The following NAMPT variants were observed in gnomAD, a reference collection of about 807,000 sequenced individuals.
NAMPT encodes nicotinamide phosphoribosyltransferase, also known as NAmPRTase.
NAMPT carries 7 observed loss-of-function variants against 58.7 expected under a neutral mutation model. That is an observed-to-expected ratio of 0.12 (90% CI 0.07 to 0.22). The LOEUF (loss-of-function observed/expected upper bound fraction) is 0.22. Ranked by LOEUF, NAMPT falls within the 10% of genes least tolerant of loss-of-function variation. NAMPT has a pLI of 1.00. For missense variants in NAMPT, 271 were observed against 567.9 expected, an observed-to-expected ratio of 0.48 and a Z score of 5.31; for synonymous variants, 145 against 198.1, an observed-to-expected ratio of 0.73 and a Z score of 2.25.
chr7:106,284,738 ACCCCAG>A lies in NAMPT; in HGVS notation c.57+84_57+89del, dbSNP rs1355014042. 190 of 486,022 alleles carry A rather than the reference ACCCCAG, an allele frequency of 3.9e-4. No individual in the cohort carries two copies. The African/African-American group carries it at 5.1e-3, about 13-fold the overall frequency. 30.1% of individuals were successfully genotyped at this position (486,022 alleles called of 1,614,324 possible). ...GACCCTAGCCCCAGCCCCAGCCCCA[ACCCCAG>A]CCCCAGCCGCCCCCGCCCCCCTGCC... On this transcript the variant is annotated intron_variant, in intron 1 of 10. Transcript: ENST00000222553.
intron 8 of NAMPT, among the ~76,000 whole-genome samples, chr7:106,257,377 G>A (rs921548672): frequency 1.3e-5 from 2 of 151,464 alleles, no homozygotes; most frequent in Admixed American, 6.6e-5. Flanking sequence ...AGCACTTTAG[G>A]AGGCCTGAGT....
At chr7:106,283,081 G>A (rs763517400) in intron 1 of NAMPT, among the ~76,000 whole-genome samples, 4 of 152,012 alleles carry the variant, frequency 2.6e-5, no homozygotes, top group Non-Finnish European at 5.9e-5. Flanking sequence ...AAAACATATC[G>A]ACTTGATTGA....
At chr7:106,285,306 C>T, upstream of NAMPT, 1 of 622,758 alleles carries the variant, frequency 1.6e-6, no homozygotes, top group Non-Finnish European at 2.0e-6. Flanking sequence ...GGCGCGTGAC[C>T]CGGGCGCTTA....
intron 8 of NAMPT, among the ~76,000 whole-genome samples, chr7:106,256,870 C>T (rs1792210570): frequency 6.6e-6 from 1 of 152,074 alleles, no homozygotes; most frequent in Non-Finnish European, 1.5e-5. Context: ...ACCAACAGGC[C>T]CAGCTTTTTA....
At chr7:106,273,755 G>C (rs114818059) in intron 3 of NAMPT, among the ~76,000 whole-genome samples, 2 of 152,114 alleles carry the variant, frequency 1.3e-5, no homozygotes, top group South Asian at 2.1e-4. Context: ...AGCAAGTACA[G>C]GTGATAGCTC....
At chr7:106,284,017 C>A (rs762890066) in intron 1 of NAMPT, among the ~76,000 whole-genome samples, 6 of 152,232 alleles carry the variant, frequency 3.9e-5, no homozygotes, top group Non-Finnish European at 7.3e-5. Flanking sequence ...GGCATGTGAA[C>A]GCAACGCTGT....
chr7:106,255,439 T>TA, intron 8 of NAMPT, among the ~76,000 whole-genome samples: 1 of 152,352 alleles, frequency 6.6e-6, no homozygotes, highest in Non-Finnish European at 1.5e-5. Flanking sequence ...GTAACAGCCT[T>TA]ATGTGTATCA....
intron 7 of NAMPT, among the ~76,000 whole-genome samples, chr7:106,262,155 C>T (rs893314658): frequency 1.3e-5 from 2 of 152,068 alleles, no homozygotes; most frequent in South Asian, 2.1e-4. Context: ...CCAGTTCAAT[C>T]ACAAAGTTCA....
chr7:106,267,702 G>A (rs372502879), intron 6 of NAMPT, among the ~76,000 whole-genome samples: 6 of 149,758 alleles, frequency 4.0e-5, no homozygotes, highest in East Asian at 2.0e-4. Flanking sequence ...TTAGCCGGGC[G>A]TAGTGGCGGG....
chr7:106,268,993 T>C lies in NAMPT; in HGVS notation c.606+161A>G, dbSNP rs576886941. 9.8e-5 allele frequency among the ~76,000 whole-genome samples: 15 copies of C among 152,334 alleles called. No individual in the cohort carries two copies. The South Asian group carries it at 3.1e-3, about 32-fold the overall frequency. ...GACATCTGTTGAAGGACATATCCCA[T>C]GTACCCTGAACACAGTAGTAGGTAC... is the stretch of plus-strand genomic sequence containing the variant. On this transcript the variant is annotated intron_variant, in intron 5 of 10. Transcript: ENST00000222553.
intron 1 of NAMPT, among the ~76,000 whole-genome samples, chr7:106,281,156 C>G (rs1048596201): frequency 2.6e-5 from 4 of 151,438 alleles, no homozygotes; most frequent in Admixed American, 6.6e-5. Context: ...TGCTGGCCAA[C>G]CAACTGTAAC....
At chr7:106,252,468 ACT>A (rs1491547881) in intron 10 of NAMPT, among the ~76,000 whole-genome samples, 2 of 152,048 alleles carry the variant, frequency 1.3e-5, no homozygotes, top group Non-Finnish European at 2.9e-5. Flanking sequence ...TGTTTAGTGT[ACT>A]TTTTTCTAAT....
intron 10 of NAMPT, among the ~76,000 whole-genome samples, chr7:106,251,536 T>A (rs1001377114): frequency 2.0e-5 from 3 of 152,060 alleles, no homozygotes; most frequent in Non-Finnish European, 4.4e-5. Context: ...TAGGGAGAAC[T>A]GTAATCATTG....
intron 6 of NAMPT, among the ~76,000 whole-genome samples, chr7:106,266,015 T>C (rs1440167100): frequency 6.6e-6 from 1 of 152,220 alleles, no homozygotes; most frequent in African/African-American, 2.4e-5. Context: ...ATGTTGGAGA[T>C]GTAAAACTTT....
chr7:106,277,206 GAAAACACCGATGAGTAGACTATAA>G, intron 1 of NAMPT, 27 bp from the exon 2 acceptor site: 1 of 1,574,112 alleles, frequency 6.4e-7, no homozygotes, highest in Non-Finnish European at 8.7e-7. Context: ...ACTTCTGTTA[GAAAACACCGATGAGTAGACTATAA>G]ATCACAACAG....
chr7:106,267,869 A>AC lies in NAMPT; in HGVS notation c.743+594_743+595insG, dbSNP rs1562815973. Among the ~76,000 whole-genome samples the AC allele has an allele frequency of 1.1e-4, 16 of 140,396 alleles. 1 individual carries two copies. Among genetic ancestry groups the AC allele is most frequent in the African/African-American group, 3.9e-4 (15 of 38,460 alleles). The allele number at this position is 140,396 out of a possible 152,430, so 92.1% of individuals were successfully genotyped here. A position where few individuals can be genotyped will look rare whatever the true frequency, so the allele number is the denominator to read the frequency against. On this transcript the variant is annotated intron_variant, in intron 6 of 10. Coordinates refer to ENST00000222553, the MANE Select transcript of NAMPT (RefSeq NM_005746.3). ...AAAAAAAAAAAAAAAAAAAAAAAAA[A>AC]AAAAAAACAACCTGATTTACTTTTA...
chr7:106,279,381 C>G (rs1004067412), intron 1 of NAMPT, among the ~76,000 whole-genome samples: 1 of 152,000 alleles, frequency 6.6e-6, no homozygotes, highest in African/African-American at 2.4e-5. Context: ...CTACTAACAC[C>G]CAACAAGTTT....
At chr7:106,262,740 T>A (rs982324270) in intron 7 of NAMPT, among the ~76,000 whole-genome samples, 9 of 152,148 alleles carry the variant, frequency 5.9e-5, no homozygotes, top group African/African-American at 2.2e-4. Context: ...TTTAAGCCTC[T>A]GTTTTTTTCT....
At chr7:106,262,495 T>C (rs961824984) in intron 7 of NAMPT, among the ~76,000 whole-genome samples, 1 of 152,122 alleles carries the variant, frequency 6.6e-6, no homozygotes, top group African/African-American at 2.4e-5. Flanking sequence ...CCTATCAAGT[T>C]TGCTAAAACC....
Sources: gnomAD v4.1 joint callset for allele counts (sites outside exome capture counted in the v4.1 genomes callset) on GRCh38, gnomAD v4.1.1 for gene constraint, MANE v1.5 for transcripts, NCBI Gene and HGNC (gene_info 2026-07-23, HGNC 2026-07-21) for gene names.